Variants in EDNRA observed in about 807,000 individuals in gnomAD.
EDNRA encodes the protein endothelin-1 receptor.
Under a neutral mutation model 41.4 loss-of-function variants are expected in EDNRA, and 11 were observed. The ratio of observed to expected loss-of-function variants is 0.27; its 90% CI spans 0.17 to 0.44. The LOEUF (loss-of-function observed/expected upper bound fraction) is 0.44, where lower values mean the gene tolerates loss of function less well. EDNRA is among the 20% of genes least tolerant of loss of function. The probability of loss-of-function intolerance (pLI) is 1.00; values close to 1 mark genes in which losing one functional copy is unlikely to be tolerated. For missense variants in EDNRA, 294 were observed against 531.0 expected (o/e 0.55, Z 4.39); for synonymous variants, 172 against 183.0 (o/e 0.94, Z 0.49).
Position 147,511,466 on chromosome 4 carries a change from A to G in EDNRA, c.421-8385A>G, listed in dbSNP as rs76984086. Among the ~76,000 whole-genome samples, 972 of 151,436 alleles carry G rather than the reference A, an allele frequency of 6.4e-3. 5 individuals carry two copies. Among genetic ancestry groups the G allele is most frequent in the Non-Finnish European group, 8.1e-3 (546 of 67,722 alleles). On this transcript the variant is annotated intron_variant, in intron 2 of 7. Transcript: ENST00000651419. ...TATTATTTTGCTCATGCTGCATACC[A>G]TATCTTTTTTGGCTCATTTTTTCCA...
chr4:147,530,517 C>T (rs1459729660), intron 3 of EDNRA, among the ~76,000 whole-genome samples: 1 of 152,160 alleles, frequency 6.6e-6, no homozygotes, highest in Non-Finnish European at 1.5e-5. Flanking sequence ...TTGAAATAAT[C>T]TGGACTTTTT....
chr4:147,534,982 G>A (rs1359574812), intron 4 of EDNRA, among the ~76,000 whole-genome samples: 1 of 152,102 alleles, frequency 6.6e-6, no homozygotes, highest in Admixed American at 6.5e-5. Context: ...TTCAGAAACT[G>A]TCCCATTTTT....
intron 4 of EDNRA, 81 bp from the exon 5 acceptor site, chr4:147,535,796 T>G: frequency 3.2e-6 from 5 of 1,554,308 alleles, no homozygotes; most frequent in Non-Finnish European, 4.3e-6. Flanking sequence ...TTTAAAGACC[T>G]TAAAGCTACC....
chr4:147,486,349 C>G lies in EDNRA; in HGVS notation c.420+248C>G, dbSNP rs1033622485. Reference sequence around the variant, plus strand: ...ATGATGGTTCAAAATCATGGTGTTTCATGACTTGGATTCTCATGCCACCCC... The same window carrying G: ...ATGATGGTTCAAAATCATGGTGTTTGATGACTTGGATTCTCATGCCACCCC... On this transcript the variant is annotated intron_variant, in intron 2 of 7. Coordinates refer to ENST00000651419, the MANE Select transcript of EDNRA (RefSeq NM_001957.4). This position sits in a 1 kb window ranked among gnomAD's most constrained non-coding sequence, Gnocchi z 4.3. Among the ~76,000 whole-genome samples, 3 of 152,134 alleles carry G rather than the reference C, an allele frequency of 2.0e-5. No individual in the cohort carries two copies. The highest frequency in any genetic ancestry group is 2.9e-5 in the Non-Finnish European group (2 of 68,024).
chr4:147,519,862 G>A lies in EDNRA; in HGVS notation c.432G>A (p.Gly144=), dbSNP rs1041412973. The change falls in exon 3 of 8, where the codon GGG becomes GGA. Residue 144 remains glycine (G), a synonymous_variant. Transcript: ENST00000651419. This position sits in a 1 kb window ranked among gnomAD's most constrained non-coding sequence, Gnocchi z 4.1. ...TCTCCTTCTTTCAGCTGCTGGCTGG[G>A]CGCTGGCCTTTTGATCACAATGACT... is the stretch of plus-strand genomic sequence containing the variant. ...LPINVFKLLA[G]RWPFDHNDFG... The A allele has an allele frequency of 1.9e-6, 3 of 1,613,350 alleles. No individual in the cohort carries two copies. The highest frequency in any genetic ancestry group is 1.1e-5 in the South Asian group (1 of 90,994).
Position 147,514,674 on chromosome 4 carries a change from A to T in EDNRA, c.421-5177A>T, listed in dbSNP as rs146783983. 1.8e-3 allele frequency among the ~76,000 whole-genome samples: 267 copies of T among 152,216 alleles called. 2 individuals carry two copies. The highest frequency in any genetic ancestry group is 6.1e-3 in the African/African-American group (253 of 41,534). On this transcript the variant is annotated intron_variant, in intron 2 of 7. Coordinates refer to ENST00000651419, the MANE Select transcript of EDNRA (RefSeq NM_001957.4). Reference sequence around the variant, plus strand: ...TTTTTAGTAGAGACAGGGTTTCACCACGTTGGCCAGGCTGGTCTCGAACTC... The same window carrying T: ...TTTTTAGTAGAGACAGGGTTTCACCTCGTTGGCCAGGCTGGTCTCGAACTC...
At chr4:147,506,599 A>T in intron 2 of EDNRA, 1 of 299,522 alleles carries the variant, frequency 3.3e-6, no homozygotes, top group Non-Finnish European at 6.8e-6. Flanking sequence ...GCCTTTAGAA[A>T]TATCAATATT....
At chr4:147,506,108 AC>A in intron 2 of EDNRA, 1 of 524,678 alleles carries the variant, frequency 1.9e-6, no homozygotes, top group Non-Finnish European at 3.8e-6. Context: ...AATATTTGTC[AC>A]AGCAATGAGC....
chr4:147,514,509 C>T (rs1165738805), intron 2 of EDNRA, among the ~76,000 whole-genome samples: 2 of 152,014 alleles, frequency 1.3e-5, no homozygotes, highest in African/African-American at 4.8e-5. Flanking sequence ...GTTTCACTCT[C>T]GTTGCCCAGG....
At chr4:147,529,583 C>A (rs952202361) in intron 3 of EDNRA, among the ~76,000 whole-genome samples, 5 of 152,084 alleles carry the variant, frequency 3.3e-5, no homozygotes, top group African/African-American at 1.2e-4. Flanking sequence ...GTGAAGAAAG[C>A]ATTTCAGAGA....
intron 5 of EDNRA, among the ~76,000 whole-genome samples, 176 bp downstream of exon 5, chr4:147,536,205 C>T (rs1730915301): frequency 6.6e-6 from 1 of 152,040 alleles, no homozygotes; most frequent in South Asian, 2.1e-4. Context: ...AATGGGAAAC[C>T]TGCTTGTAAA....
chr4:147,542,389 G>T (rs1352487201), intron 7 of EDNRA, 89 bp from the exon 8 acceptor site: 2 of 1,554,496 alleles, frequency 1.3e-6, no homozygotes, highest in Non-Finnish European at 1.7e-6. Context: ...ATGGACATTT[G>T]CCCCTCATTA....
rs1374853095 is a variant in EDNRA, at chr4:147,543,411, A to G, written c.*793A>G. The G allele has an allele frequency of 6.6e-6, 1 of 152,222 alleles. No homozygotes were observed. The highest frequency in any genetic ancestry group is 1.5e-5 in the Non-Finnish European group (1 of 68,030). 9.4% of individuals were successfully genotyped at this position (152,222 alleles called of 1,614,324 possible). A position where few individuals can be genotyped will look rare whatever the true frequency, so the allele number is the denominator to read the frequency against. ...ACAAGGGACCTTGAACATGTTTTGT[A>G]TGTTAAATTCAAAAGTAATGCTTCA... On this transcript the variant is annotated 3_prime_UTR_variant, in exon 8 of 8. Coordinates refer to ENST00000651419, the MANE Select transcript of EDNRA (RefSeq NM_001957.4).
intron 2 of EDNRA, chr4:147,492,995 A>G (rs1192934062): frequency 6.6e-6 from 1 of 152,146 alleles, no homozygotes; most frequent in African/African-American, 2.4e-5. Flanking sequence ...CTCACAGCAC[A>G]GTTATTCCCG....
chr4:147,530,828 T>G (rs1306137696), intron 3 of EDNRA, among the ~76,000 whole-genome samples: 1 of 152,226 alleles, frequency 6.6e-6, no homozygotes, highest in South Asian at 2.1e-4. Flanking sequence ...ATCTTCTACA[T>G]TACTTTGCAT....
intron 5 of EDNRA, among the ~76,000 whole-genome samples, chr4:147,538,619 C>G (rs1389840652): frequency 6.6e-6 from 1 of 152,154 alleles, no homozygotes; most frequent in Non-Finnish European, 1.5e-5. Flanking sequence ...ACAAAATGAC[C>G]CTTTTAAAAA....
chr4:147,494,449 A>G (rs1291535439), intron 2 of EDNRA: 1 of 152,256 alleles, frequency 6.6e-6, no homozygotes. Flanking sequence ...CAATGCCACT[A>G]TGTAAGGTAA....
At chr4:147,521,528 T>C (rs1238415263) in intron 3 of EDNRA, among the ~76,000 whole-genome samples, 4 of 152,190 alleles carry the variant, frequency 2.6e-5, no homozygotes, top group African/African-American at 9.7e-5. Context: ...TAAACACTTA[T>C]GATGTGGATT....
chr4:147,527,751 A>ATTTTATAC (rs967952002), intron 3 of EDNRA, among the ~76,000 whole-genome samples: 7 of 152,172 alleles, frequency 4.6e-5, no homozygotes, highest in Non-Finnish European at 8.8e-5. Context: ...TAAAATATAT[A>ATTTTATAC]TTTTATACTT....
Sources: gnomAD v4.1 joint callset for allele counts (sites outside exome capture counted in the v4.1 genomes callset) on GRCh38, gnomAD v4.1.1 for gene constraint, Gnocchi (gnomAD v3.1) non-coding constraint, MANE v1.5 for transcripts, NCBI Gene and HGNC (gene_info 2026-07-23, HGNC 2026-07-21) for gene names.